Variants in XKR6 observed in about 807,000 individuals in gnomAD.
XKR6 encodes XK-related protein 6.
In XKR6, 22 loss-of-function variants were observed where a neutral mutation model predicts 56.7. The ratio of observed to expected loss-of-function variants is 0.39; its 90% CI spans 0.28 to 0.55. The LOEUF is 0.55. XKR6 is among the 20% of genes least tolerant of loss of function. The pLI is 0.66. For missense variants in XKR6, 852 were observed against 889.0 expected (o/e 0.96, Z 0.53); for synonymous variants, 524 against 387.8 (o/e 1.35, Z -4.13).
chr8:11,111,813 A>G (rs1297503493), intron 1 of XKR6: 1 of 152,182 alleles, frequency 6.6e-6, no homozygotes, highest in Non-Finnish European at 1.5e-5. Context: ...CATAATTTCC[A>G]GAGTTCCTAA....
At chr8:11,030,308 T>C (rs1346798929) in intron 1 of XKR6, among the ~76,000 whole-genome samples, 3 of 152,196 alleles carry the variant, frequency 2.0e-5, no homozygotes, top group African/African-American at 7.2e-5. Context: ...CCACAGAATC[T>C]GTGGATCGTT....
intron 1 of XKR6, among the ~76,000 whole-genome samples, chr8:11,042,095 C>T (rs185967035): frequency 3.7e-4 from 56 of 152,138 alleles, no homozygotes; most frequent in South Asian, 4.1e-4. Context: ...CTGATTTTCC[C>T]GTTTTTACCA....
intron 2 of XKR6, among the ~76,000 whole-genome samples, chr8:10,913,311 G>A (rs967908644): frequency 9.9e-5 from 15 of 152,140 alleles, no homozygotes; most frequent in African/African-American, 3.6e-4. Flanking sequence ...AGTCTGGCCA[G>A]GGTCCCCAGC....
intron 1 of XKR6, among the ~76,000 whole-genome samples, chr8:10,945,023 T>C (rs1180596715): frequency 2.6e-5 from 4 of 152,106 alleles, no homozygotes; most frequent in African/African-American, 9.7e-5. Context: ...TTTCTGGATG[T>C]AGGGTCAAGC....
At chr8:11,131,606 T>C (rs1182034429) in intron 1 of XKR6, among the ~76,000 whole-genome samples, 1 of 152,184 alleles carries the variant, frequency 6.6e-6, no homozygotes, top group Admixed American at 6.5e-5. Context: ...GCCAGTTCTC[T>C]TCCCCTGAAG....
chr8:11,135,420 C>T (rs10109455), intron 1 of XKR6, among the ~76,000 whole-genome samples: 12,816 of 152,154 alleles, frequency 0.084, 1,761 homozygotes, highest in African/African-American at 0.29. Context: ...AATAAAGTTA[C>T]CAAAAGTTAA....
intron 1 of XKR6, among the ~76,000 whole-genome samples, chr8:11,188,017 C>A (rs1191292352): frequency 6.6e-6 from 1 of 152,028 alleles, no homozygotes; most frequent in Non-Finnish European, 1.5e-5. Flanking sequence ...AGTAGTCTGG[C>A]CTTAATCCTG....
chr8:11,019,324 C>T (rs1798696652), intron 1 of XKR6, among the ~76,000 whole-genome samples: 2 of 152,224 alleles, frequency 1.3e-5, no homozygotes, highest in Non-Finnish European at 2.9e-5. Context: ...AATGGGCAGA[C>T]ACTTCACATT....
chr8:11,078,418 C>T (rs568387954), intron 1 of XKR6, among the ~76,000 whole-genome samples: 4 of 152,188 alleles, frequency 2.6e-5, no homozygotes, highest in Non-Finnish European at 4.4e-5. Context: ...CTGGGATCCA[C>T]CAGGTACCGT....
chr8:11,142,913 A>G (rs546915072), intron 1 of XKR6, among the ~76,000 whole-genome samples: 1 of 152,192 alleles, frequency 6.6e-6, no homozygotes, highest in Admixed American at 6.5e-5. Context: ...CGATTTTTTT[A>G]AAAAAGAAAA....
intron 1 of XKR6, among the ~76,000 whole-genome samples, chr8:11,148,141 C>A (rs1453576305): frequency 6.6e-6 from 1 of 152,076 alleles, no homozygotes; most frequent in Non-Finnish European, 1.5e-5. Flanking sequence ...ACTCAGGAGG[C>A]TGAGGCTGCA....
chr8:11,130,821 T>C (rs1223121513), intron 1 of XKR6, among the ~76,000 whole-genome samples: 1 of 151,978 alleles, frequency 6.6e-6, no homozygotes, highest in African/African-American at 2.4e-5. Context: ...CCTCCCAGAA[T>C]CAACACAGAC....
At chr8:11,041,095 C>T (rs1386834259) in intron 1 of XKR6, among the ~76,000 whole-genome samples, 1 of 152,126 alleles carries the variant, frequency 6.6e-6, no homozygotes, top group African/African-American at 2.4e-5. Flanking sequence ...CTGCCACCCC[C>T]ATCAGGATCA....
intron 1 of XKR6, among the ~76,000 whole-genome samples, chr8:11,075,153 C>G (rs1479536294): frequency 6.6e-6 from 1 of 152,178 alleles, no homozygotes; most frequent in African/African-American, 2.4e-5. Context: ...GCACAGGAAC[C>G]CTGCCATGGC....
intron 1 of XKR6, chr8:11,109,567 G>A (rs1431690834): frequency 6.6e-6 from 1 of 152,180 alleles, no homozygotes; most frequent in African/African-American, 2.4e-5. Context: ...ATCCTCCCCA[G>A]GAAAGGCACT....
chr8:11,081,992 C>T (rs1319067212), intron 1 of XKR6, among the ~76,000 whole-genome samples: 5 of 152,190 alleles, frequency 3.3e-5, no homozygotes, highest in African/African-American at 1.2e-4. Context: ...CCTACCCTCT[C>T]GCCTGAGACC....
chr8:10,919,279 C>T (rs1800647557), intron 2 of XKR6, among the ~76,000 whole-genome samples: 1 of 152,206 alleles, frequency 6.6e-6, no homozygotes, highest in East Asian at 1.9e-4. Context: ...CATTTGTACT[C>T]AGCTTAACTG....
At chr8:10,918,867 A>T (rs1368215792) in intron 2 of XKR6, among the ~76,000 whole-genome samples, 4 of 151,910 alleles carry the variant, frequency 2.6e-5, no homozygotes, top group African/African-American at 9.7e-5. Flanking sequence ...ACAGACCTCA[A>T]ATCTGTCCAT....
intron 1 of XKR6, chr8:11,108,632 T>G (rs117071983): frequency 2.0e-5 from 6 of 296,664 alleles, no homozygotes; most frequent in African/African-American, 1.1e-4. Flanking sequence ...TCCATTTCAT[T>G]AGGAAGCTCT....
Sources: gnomAD v4.1 joint callset for allele counts (sites outside exome capture counted in the v4.1 genomes callset) on GRCh38, gnomAD v4.1.1 for gene constraint, MANE v1.5 for transcripts, NCBI Gene and HGNC (gene_info 2026-07-23, HGNC 2026-07-21) for gene names.